Variants in TTBK2 observed in about 807,000 individuals in gnomAD.
The protein encoded by TTBK2 is tau-tubulin kinase 2.
A neutral mutation model predicts 110.8 loss-of-function variants in TTBK2; 28 were observed. The ratio of observed to expected loss-of-function variants is 0.25; its 90% confidence interval spans 0.19 to 0.35. TTBK2 has a LOEUF of 0.35. Ranked by LOEUF, TTBK2 falls within the 10% of genes least tolerant of loss-of-function variation. The probability of loss-of-function intolerance (pLI) is 1.00; values close to 1 mark genes in which losing one functional copy is unlikely to be tolerated. For missense variants in TTBK2, 1,369 were observed against 1,500.3 expected (o/e 0.91, Z 1.45); for synonymous variants, 532 against 527.3 (o/e 1.01, Z -0.12).
At chr15:42,851,357 G>GT in intron 3 of TTBK2, among the ~76,000 whole-genome samples, 1 of 152,202 alleles carries the variant, frequency 6.6e-6, no homozygotes, top group South Asian at 2.1e-4. Flanking sequence ...GCAGGCAGGG[G>GT]TCGGTTCAGT....
chr15:42,903,475 C>G (rs1227716477), intron 1 of TTBK2, among the ~76,000 whole-genome samples: 2 of 152,166 alleles, frequency 1.3e-5, no homozygotes, highest in African/African-American at 4.8e-5. Flanking sequence ...TTAAATAGGA[C>G]TACTAGGCAC....
intron 12 of TTBK2, 79 bp downstream of exon 12, chr15:42,776,952 T>C: frequency 1.1e-5 from 16 of 1,461,254 alleles, no homozygotes; most frequent in East Asian, 2.3e-5. Flanking sequence ...AACAGAAATA[T>C]ACAATAATAA....
intron 1 of TTBK2, among the ~76,000 whole-genome samples, chr15:42,884,760 G>A (rs1247999022): frequency 6.6e-6 from 1 of 152,182 alleles, no homozygotes; most frequent in Non-Finnish European, 1.5e-5. Context: ...ACTAATAAGT[G>A]TCAGGCCTCT....
At chr15:42,827,383 T>C (rs1250965910) in intron 6 of TTBK2, among the ~76,000 whole-genome samples, 1 of 151,972 alleles carries the variant, frequency 6.6e-6, no homozygotes, top group African/African-American at 2.4e-5. Context: ...TCATGAGGCA[T>C]GCAAAGAAAC....
At chr15:42,863,993 G>C (rs1894262530) in intron 3 of TTBK2, among the ~76,000 whole-genome samples, 1 of 152,102 alleles carries the variant, frequency 6.6e-6, no homozygotes, top group African/African-American at 2.4e-5. Context: ...AGAAAACCTA[G>C]GAAATACCTT....
chr15:42,772,341 G>T (rs886777041), intron 13 of TTBK2, among the ~76,000 whole-genome samples: 1 of 152,080 alleles, frequency 6.6e-6, no homozygotes, highest in African/African-American at 2.4e-5. Flanking sequence ...CAGCCAGTAA[G>T]GAACTGAGGC....
At chr15:42,835,277 A>G (rs1892942101) in intron 4 of TTBK2, among the ~76,000 whole-genome samples, 1 of 152,174 alleles carries the variant, frequency 6.6e-6, no homozygotes, top group South Asian at 2.1e-4. Flanking sequence ...AACCTCACTG[A>G]AAGACAGACA....
At chr15:42,792,127 G>A (rs2140856091) in intron 10 of TTBK2, among the ~76,000 whole-genome samples, 1 of 152,312 alleles carries the variant, frequency 6.6e-6, no homozygotes, top group Middle Eastern at 3.4e-3. Flanking sequence ...GTGATAGAGT[G>A]AGACTCTGTA....
Position 42,892,930 on chromosome 15 carries a change from G to C in TTBK2, c.-67-14246C>G, listed in dbSNP as rs147200598. Among the ~76,000 whole-genome samples the C allele has an allele frequency of 3.6e-3, 537 of 149,150 alleles. 2 individuals are homozygous for C. Among genetic ancestry groups the C allele is most frequent in the South Asian group, 6.6e-3 (31 of 4,712 alleles). Reference sequence around the variant, plus strand: ...GAGGCTGAGGCAGGAGAAATCTCTGGAACCCGGGAGGCGGAGTATGCAGTC... The same window carrying C: ...GAGGCTGAGGCAGGAGAAATCTCTGCAACCCGGGAGGCGGAGTATGCAGTC... On this transcript the variant is annotated intron_variant, in intron 1 of 14. Transcript: ENST00000267890.
chr15:42,763,101 TAC>T (rs1491075285), intron 13 of TTBK2, among the ~76,000 whole-genome samples: 7 of 109,140 alleles, frequency 6.4e-5, no homozygotes, highest in East Asian at 5.7e-4. Flanking sequence ...TATATATATA[TAC>T]GTATATATAT....
rs2061761803 is a variant in TTBK2, at chr15:42,743,404, GT to G, written c.*2390del. 6.6e-6 allele frequency: 1 copy of G among 152,224 alleles called. No individual in the cohort carries two copies. Among genetic ancestry groups the G allele is most frequent in the Non-Finnish European group, 1.5e-5 (1 of 68,038 alleles). The allele number at this position is 152,224 out of a possible 1,614,324, so 9.4% of individuals were successfully genotyped here. A position where few individuals can be genotyped will look rare whatever the true frequency, so the allele number is the denominator to read the frequency against. ...AAAATCACACACACGTACCACAGTTGTAGCTTCATCAGCTTTTCCAATGATT... is the reference window on the plus strand; with the variant it reads ...AAAATCACACACACGTACCACAGTTGAGCTTCATCAGCTTTTCCAATGATT... On this transcript the variant is annotated 3_prime_UTR_variant, in exon 15 of 15. Transcript: ENST00000267890.
At chr15:42,762,728 T>A (rs1188406953) in intron 13 of TTBK2, among the ~76,000 whole-genome samples, 1 of 151,146 alleles carries the variant, frequency 6.6e-6, no homozygotes, top group Non-Finnish European at 1.5e-5. Flanking sequence ...AAAAAATAAA[T>A]AAATAAATAA....
In TTBK2 at chr15:42,920,636, C is replaced by T; in HGVS notation, c.-266G>A. 1 of 144,746 alleles carries T rather than the reference C, an allele frequency of 6.9e-6. No homozygotes were observed. Among genetic ancestry groups the T allele is most frequent in the Non-Finnish European group, 1.4e-5 (1 of 71,058 alleles). The allele number at this position is 144,746 out of a possible 1,614,324, so 9.0% of individuals were successfully genotyped here. A position where few individuals can be genotyped will look rare whatever the true frequency, so the allele number is the denominator to read the frequency against. ...CTGGGGTACCGTCCGCGTTTACTGG[C>T]GGCGGCGGCGGCGGCTGCTGCTGCT... On this transcript the variant is annotated 5_prime_UTR_variant, in exon 1 of 15. Transcript: ENST00000267890.
chr15:42,826,760 T>C (rs1892551066), intron 6 of TTBK2, among the ~76,000 whole-genome samples: 1 of 152,238 alleles, frequency 6.6e-6, no homozygotes, highest in South Asian at 2.1e-4. Context: ...GATTCATGAA[T>C]CATTCTTTGC....
At chr15:42,788,726 A>G (rs1279243665) in intron 10 of TTBK2, among the ~76,000 whole-genome samples, 2 of 152,072 alleles carry the variant, frequency 1.3e-5, no homozygotes, top group South Asian at 4.1e-4. Context: ...TCTTTCTGAT[A>G]TATCTTTGTC....
At chr15:42,869,655 A>G (rs1894532680) in intron 3 of TTBK2, among the ~76,000 whole-genome samples, 1 of 152,096 alleles carries the variant, frequency 6.6e-6, no homozygotes, top group Non-Finnish European at 1.5e-5. Flanking sequence ...AGAGCTGCAA[A>G]TGGAGAGGGC....
At chr15:42,759,723 C>G (rs1003745650) in intron 13 of TTBK2, among the ~76,000 whole-genome samples, 7 of 152,154 alleles carry the variant, frequency 4.6e-5, no homozygotes, top group African/African-American at 1.7e-4. Flanking sequence ...AGCATCAAAG[C>G]AAAGGCACCA....
chr15:42,901,191 T>C (rs2029983586), intron 1 of TTBK2, among the ~76,000 whole-genome samples: 1 of 151,834 alleles, frequency 6.6e-6, no homozygotes, highest in Non-Finnish European at 1.5e-5. Flanking sequence ...TGAAACCCCA[T>C]CTCTACTAAA....
chr15:42,788,926 T>G (rs2140838594), intron 10 of TTBK2, among the ~76,000 whole-genome samples: 1 of 152,320 alleles, frequency 6.6e-6, no homozygotes, highest in East Asian at 1.9e-4. Flanking sequence ...ATTTGAGCTT[T>G]GTAACATGAT....
Sources: allele counts gnomAD v4.1 joint callset (sites outside exome capture counted in the v4.1 genomes callset), GRCh38; gene constraint gnomAD v4.1.1; transcripts MANE v1.5; gene names NCBI Gene and HGNC (gene_info 2026-07-23, HGNC 2026-07-21).